The following CHN2 variants were observed in gnomAD, a reference collection of about 807,000 sequenced individuals.
CHN2 encodes the protein beta-chimaerin.
CHN2 carries 35 observed loss-of-function variants against 56.3 expected under a neutral mutation model. That is an observed-to-expected ratio of 0.62 (90% CI 0.47 to 0.82). The LOEUF is 0.82. Among genes scored for constraint, CHN2 ranks in the 40% least tolerant of loss-of-function variants. The pLI, the probability that CHN2 is intolerant of heterozygous loss-of-function variation, is 0.00. For missense variants in CHN2, 491 were observed against 580.5 expected, an observed-to-expected ratio of 0.85 and a Z score of 1.58; for synonymous variants, 210 against 212.8, an observed-to-expected ratio of 0.99 and a Z score of 0.12.
chr7:29,430,772 G>T (rs1410915701), intron 6 of CHN2, among the ~76,000 whole-genome samples: 1 of 142,738 alleles, frequency 7.0e-6, no homozygotes. Context: ...CTAAGCAGAG[G>T]GTAAGAAAGA....
At chr7:29,272,999 T>C (rs1267174943) in intron 1 of CHN2, among the ~76,000 whole-genome samples, 3 of 152,120 alleles carry the variant, frequency 2.0e-5, no homozygotes, top group Non-Finnish European at 4.4e-5. Flanking sequence ...AAATCCCTAA[T>C]ATAATACAAT....
chr7:29,198,290 A>G (rs938749422), intron 1 of CHN2, among the ~76,000 whole-genome samples: 2 of 152,250 alleles, frequency 1.3e-5, no homozygotes, highest in Admixed American at 1.3e-4. Flanking sequence ...TTGTGTTTGC[A>G]GAGTAAAGAT....
At chr7:29,196,887 A>C (rs1783778944) in intron 1 of CHN2, among the ~76,000 whole-genome samples, 1 of 152,206 alleles carries the variant, frequency 6.6e-6, no homozygotes, top group African/African-American at 2.4e-5. Flanking sequence ...TTTAATCCTA[A>C]GGGAAAATGG....
At chr7:29,501,956 C>T (rs1286360652) in intron 9 of CHN2, among the ~76,000 whole-genome samples, 2 of 152,172 alleles carry the variant, frequency 1.3e-5, no homozygotes, top group Non-Finnish European at 2.9e-5. Flanking sequence ...ATATCTGTTT[C>T]TTCATCTATA....
chr7:29,150,273 A>C (rs1244027762), intron 2 of CHN2, among the ~76,000 whole-genome samples: 1 of 152,224 alleles, frequency 6.6e-6, no homozygotes, highest in Admixed American at 6.5e-5. Flanking sequence ...ACATGATAAA[A>C]ATACTATTAG....
intron 6 of CHN2, among the ~76,000 whole-genome samples, chr7:29,447,298 A>T (rs1784099062): frequency 6.6e-6 from 1 of 152,226 alleles, no homozygotes; most frequent in Non-Finnish European, 1.5e-5. Context: ...AGAAATGAAA[A>T]TTCTAACGCC....
chr7:29,195,629 A>AGAGAGAGTGTGTGT (rs869037854), intron 1 of CHN2, among the ~76,000 whole-genome samples: 80 of 117,550 alleles, frequency 6.8e-4, no homozygotes, highest in Middle Eastern at 4.4e-3. Flanking sequence ...AGAGAGAGAG[A>AGAGAGAGTGTGTGT]GTGTGTGTGT....
At chr7:29,479,752 C>G (rs576360899) in intron 6 of CHN2, 3 of 1,147,212 alleles carry the variant, frequency 2.6e-6, no homozygotes, top group South Asian at 4.5e-5. Flanking sequence ...GAGGAGAGAC[C>G]TCTCCTTTGC....
intron 1 of CHN2, among the ~76,000 whole-genome samples, chr7:29,262,399 A>G (rs956260549): frequency 7.2e-5 from 11 of 152,232 alleles, no homozygotes; most frequent in Non-Finnish European, 1.6e-4. Flanking sequence ...CTTGTGGTTA[A>G]TACTTTAAAC....
intron 3 of CHN2, among the ~76,000 whole-genome samples, chr7:29,371,919 G>A (rs1291751681): frequency 6.6e-6 from 1 of 152,010 alleles, no homozygotes; most frequent in African/African-American, 2.4e-5. Flanking sequence ...GGATTTCATT[G>A]CAGGTAAAGA....
At chr7:29,274,032 G>A (rs1232229520) in intron 1 of CHN2, among the ~76,000 whole-genome samples, 1 of 152,112 alleles carries the variant, frequency 6.6e-6, no homozygotes, top group East Asian at 1.9e-4. Context: ...TTTAATATGT[G>A]GCCATCTTGT....
chr7:29,391,373 G>GATA, intron 3 of CHN2, among the ~76,000 whole-genome samples: 1 of 147,394 alleles, frequency 6.8e-6, no homozygotes, highest in Non-Finnish European at 1.5e-5. Flanking sequence ...GGGAAGGGAG[G>GATA]GTAGAAGGGA....
chr7:29,406,989 A>G (rs1585289167), intron 6 of CHN2, among the ~76,000 whole-genome samples: 1 of 152,290 alleles, frequency 6.6e-6, no homozygotes, highest in East Asian at 1.9e-4. Context: ...ACCCTAAGGA[A>G]CAGCGTATCT....
intron 6 of CHN2, among the ~76,000 whole-genome samples, chr7:29,465,813 A>G (rs1367304607): frequency 6.6e-6 from 1 of 152,238 alleles, no homozygotes; most frequent in East Asian, 1.9e-4. Context: ...AAAATTTTAA[A>G]TGGAGCCATG....
intron 1 of CHN2, among the ~76,000 whole-genome samples, chr7:29,320,365 G>A (rs552376050): frequency 5.3e-5 from 8 of 152,182 alleles, no homozygotes; most frequent in East Asian, 1.9e-4. Context: ...CCTGCAGGGG[G>A]GTGCTAATCA....
intron 1 of CHN2, among the ~76,000 whole-genome samples, chr7:29,255,458 G>C (rs372186873): frequency 1.8e-4 from 27 of 152,308 alleles, no homozygotes; most frequent in African/African-American, 6.3e-4. Flanking sequence ...GCCTTTGTTA[G>C]AACCTTCCAG....
chr7:29,512,503 A>C, intron 12 of CHN2, 61 bp from the exon 13 acceptor site: 2 of 1,430,448 alleles, frequency 1.4e-6, no homozygotes, highest in Admixed American at 2.1e-5. Context: ...ATACATAATC[A>C]ATACATAAAA....
intron 6 of CHN2, among the ~76,000 whole-genome samples, chr7:29,474,365 A>G (rs12532393): frequency 0.069 from 10,561 of 152,220 alleles, 447 homozygotes; most frequent in East Asian, 0.23. Flanking sequence ...CTATCCATCT[A>G]TCTAGATCTT....
intron 6 of CHN2, among the ~76,000 whole-genome samples, chr7:29,426,211 A>AG (rs1201999145): frequency 2.3e-5 from 3 of 128,676 alleles, no homozygotes; most frequent in Admixed American, 2.2e-4. Flanking sequence ...TGTCTCAAAA[A>AG]AAAAAAAAAA....
Sources: allele counts gnomAD v4.1 joint callset (sites outside exome capture counted in the v4.1 genomes callset), GRCh38; gene constraint gnomAD v4.1.1; transcripts MANE v1.5; gene names NCBI Gene and HGNC (gene_info 2026-07-23, HGNC 2026-07-21).